The following CSMD1 variants were observed in gnomAD, a reference collection of about 807,000 sequenced individuals.
CSMD1 encodes the protein CUB and sushi domain-containing protein 1.
In CSMD1, 213 loss-of-function variants were observed where a neutral mutation model predicts 417.5. The ratio of observed to expected loss-of-function variants is 0.51; its 90% confidence interval spans 0.46 to 0.57. The LOEUF is 0.57. Ranked by LOEUF, CSMD1 falls within the 20% of genes least tolerant of loss-of-function variation. CSMD1 has a pLI of 0.00. For synonymous variants in CSMD1, 2,862 were observed against 1,736.8 expected (o/e 1.65, Z -16.11); for missense variants, 6,923 against 4,529.7 (o/e 1.53, Z -15.17).
chr8:4,935,542 A>G (rs2117211001), intron 1 of CSMD1, among the ~76,000 whole-genome samples: 1 of 152,324 alleles, frequency 6.6e-6, no homozygotes, highest in East Asian at 1.9e-4. Context: ...ACAACTCTAT[A>G]AGGTTATACA....
At chr8:3,231,108 C>A (rs967705791) in intron 26 of CSMD1, among the ~76,000 whole-genome samples, 1 of 152,172 alleles carries the variant, frequency 6.6e-6, no homozygotes, top group Non-Finnish European at 1.5e-5. Flanking sequence ...GAGTATCCCC[C>A]ATCACTCTAA....
chr8:4,929,930 T>C (rs1366515216), intron 1 of CSMD1, among the ~76,000 whole-genome samples: 3 of 152,210 alleles, frequency 2.0e-5, no homozygotes, highest in African/African-American at 7.2e-5. Context: ...TTGCAAGAGC[T>C]AATTTAGTTC....
intron 2 of CSMD1, among the ~76,000 whole-genome samples, chr8:4,454,136 G>C (rs117417264): frequency 1.3e-5 from 2 of 151,890 alleles, no homozygotes; most frequent in East Asian, 3.9e-4. Context: ...ATTCATTCTT[G>C]ATTCCTCCTA....
At chr8:4,358,913 A>AT (rs1801591750) in intron 3 of CSMD1, among the ~76,000 whole-genome samples, 1 of 152,142 alleles carries the variant, frequency 6.6e-6, no homozygotes, top group Non-Finnish European at 1.5e-5. Flanking sequence ...GTGAACCTTT[A>AT]TTAAAAAAAC....
intron 3 of CSMD1, among the ~76,000 whole-genome samples, chr8:4,084,381 C>G (rs1018539309): frequency 1.3e-5 from 2 of 151,220 alleles, no homozygotes; most frequent in Non-Finnish European, 2.9e-5. Flanking sequence ...GAATTAGAAA[C>G]AATATGCGAT....
chr8:3,791,197 C>T (rs534987817), intron 5 of CSMD1, among the ~76,000 whole-genome samples: 39 of 152,134 alleles, frequency 2.6e-4, no homozygotes, highest in African/African-American at 8.9e-4. Flanking sequence ...GTTTGTAAAC[C>T]CCTACCCCAA....
intron 3 of CSMD1, among the ~76,000 whole-genome samples, chr8:4,300,259 T>C (rs573932180): frequency 1.6e-4 from 24 of 152,354 alleles, no homozygotes; most frequent in Admixed American, 7.2e-4. Context: ...CAGAGCTTTC[T>C]GCATCTAACA....
intron 22 of CSMD1, among the ~76,000 whole-genome samples, chr8:3,345,890 C>A (rs902805328): frequency 3.3e-5 from 5 of 152,164 alleles, no homozygotes; most frequent in African/African-American, 4.8e-5. Context: ...GTTTTCCATT[C>A]TATATTCCTT....
chr8:3,548,460 G>A (rs1213075573), intron 10 of CSMD1, among the ~76,000 whole-genome samples: 2 of 151,722 alleles, frequency 1.3e-5, no homozygotes, highest in African/African-American at 4.8e-5. Flanking sequence ...CACCCTTTCT[G>A]CCTGAGTCCT....
intron 11 of CSMD1, among the ~76,000 whole-genome samples, chr8:3,483,543 A>C (rs192785677): frequency 6.6e-6 from 1 of 152,234 alleles, no homozygotes; most frequent in East Asian, 1.9e-4. Flanking sequence ...AATTCTACTA[A>C]TTTATAAGTA....
intron 26 of CSMD1, among the ~76,000 whole-genome samples, chr8:3,233,616 C>T (rs947924994): frequency 3.9e-5 from 6 of 151,962 alleles, no homozygotes; most frequent in African/African-American, 7.3e-5. Context: ...TTTACTTGGC[C>T]GTTCATATAG....
chr8:4,580,536 T>A (rs2725066), intron 2 of CSMD1, among the ~76,000 whole-genome samples: 90,523 of 152,066 alleles, frequency 0.6, 27,869 homozygotes, highest in African/African-American at 0.77. Context: ...GGTTCCCAGC[T>A]TGAGTTGTTC....
intron 3 of CSMD1, among the ~76,000 whole-genome samples, chr8:4,184,336 G>C (rs140056594): frequency 2.0e-4 from 31 of 152,212 alleles, no homozygotes; most frequent in African/African-American, 6.5e-4. Flanking sequence ...TTTTAGACAA[G>C]TCATTAGTCA....
chr8:3,407,816 G>A (rs755386129), intron 14 of CSMD1, 83 bp downstream of exon 14: 18 of 1,175,770 alleles, frequency 1.5e-5, no homozygotes, highest in Non-Finnish European at 2.0e-5. Context: ...ACCTTGAAAT[G>A]CAACTTCACA....
intron 7 of CSMD1, among the ~76,000 whole-genome samples, chr8:3,681,961 A>G (rs1799688013): frequency 6.6e-6 from 1 of 152,212 alleles, no homozygotes; most frequent in South Asian, 2.1e-4. Flanking sequence ...TATTCAACAA[A>G]TGGTGCTGGG....
At chr8:3,465,659 C>G (rs897473865) in intron 12 of CSMD1, among the ~76,000 whole-genome samples, 1 of 152,160 alleles carries the variant, frequency 6.6e-6, no homozygotes, top group Non-Finnish European at 1.5e-5. Flanking sequence ...CAGGCTATTC[C>G]TGATTTCTTG....
At chr8:3,188,463 T>C (rs1191166158) in intron 35 of CSMD1, among the ~76,000 whole-genome samples, 3 of 151,668 alleles carry the variant, frequency 2.0e-5, no homozygotes, top group African/African-American at 7.3e-5. Context: ...TATACTACCA[T>C]GCCTGGCTAG....
chr8:4,312,408 C>T lies in CSMD1; in HGVS notation c.415+107545G>A, dbSNP rs1276669332. The stretch of plus-strand genomic sequence containing the variant: ...ATATATATATACATACATATATATG[C>T]GTGTATATATATGCGCGTATATATA... On this transcript the variant is annotated intron_variant, in intron 3 of 69. Transcript: ENST00000635120. Among the ~76,000 whole-genome samples the T allele has an allele frequency of 2.4e-4, 30 of 122,888 alleles. 5 individuals carry two copies. The highest frequency in any genetic ancestry group is 1.2e-3 in the African/African-American group (25 of 21,284). 80.6% of individuals were successfully genotyped at this position (122,888 alleles called of 152,430 possible).
chr8:3,334,603 T>G (rs1807126753), intron 23 of CSMD1, among the ~76,000 whole-genome samples: 1 of 152,210 alleles, frequency 6.6e-6, no homozygotes, highest in African/African-American at 2.4e-5. Flanking sequence ...ACAGGCTACG[T>G]TGTAATGTCT....
Sources: gnomAD v4.1 joint callset for allele counts (sites outside exome capture counted in the v4.1 genomes callset) on GRCh38, gnomAD v4.1.1 for gene constraint, MANE v1.5 for transcripts, NCBI Gene and HGNC (gene_info 2026-07-23, HGNC 2026-07-21) for gene names.